DEPDC5: variants seen among roughly 807,000 people sequenced by gnomAD.
DEPDC5 encodes the protein DEP domain containing 5, GATOR1 subcomplex subunit.
Under a neutral mutation model 217.3 loss-of-function variants are expected in DEPDC5, and 73 were observed. That is an observed-to-expected ratio of 0.34 (90% CI 0.28 to 0.41). DEPDC5 has a LOEUF of 0.41. Among genes scored for constraint, DEPDC5 ranks in the 10% least tolerant of loss-of-function variants. The pLI, the probability that DEPDC5 is intolerant of heterozygous loss-of-function variation, is 1.00. For synonymous variants in DEPDC5, 733 were observed against 756.7 expected (o/e 0.97, Z 0.51); for missense variants, 1,675 against 2,070.1 (o/e 0.81, Z 3.70).
intron 8 of DEPDC5, among the ~76,000 whole-genome samples, chr22:31,783,472 G>A (rs1479479107): frequency 6.6e-6 from 1 of 152,072 alleles, no homozygotes; most frequent in Non-Finnish European, 1.5e-5. Flanking sequence ...ACCACTCTGG[G>A]CAACGTAGGG....
At chr22:31,794,412 A>G (rs978387135) in intron 12 of DEPDC5, among the ~76,000 whole-genome samples, 1 of 152,214 alleles carries the variant, frequency 6.6e-6, no homozygotes, top group African/African-American at 2.4e-5. Context: ...ACAAAATACT[A>G]TATAAAGCAT....
intron 26 of DEPDC5, among the ~76,000 whole-genome samples, chr22:31,838,388 C>T (rs1460635726): frequency 3.9e-5 from 6 of 152,178 alleles, no homozygotes; most frequent in East Asian, 1.9e-4. Context: ...ACTACAAGCG[C>T]GTGCCACCAT....
At chr22:31,843,938 AG>A (rs1057495837) in intron 29 of DEPDC5, 126 bp downstream of exon 29, 16 of 1,134,042 alleles carry the variant, frequency 1.4e-5, no homozygotes, top group Admixed American at 3.0e-5. Flanking sequence ...GTAAAGAGAC[AG>A]GGTTGACTGG....
In DEPDC5 at chr22:31,784,665, C is replaced by T. The variant is rs1601810766; in HGVS notation, c.563-149C>T. 4 of 620,574 alleles carry T rather than the reference C, an allele frequency of 6.4e-6. No individual in the cohort carries two copies. In the East Asian group the frequency reaches 1.2e-4, roughly 18 times the overall value. 38.4% of individuals were successfully genotyped at this position (620,574 alleles called of 1,614,324 possible). On this transcript the variant is annotated intron_variant, in intron 9 of 42. Coordinates refer to ENST00000651528, the MANE Select transcript of DEPDC5 (RefSeq NM_001242896.3). ...GTACAAAATACACCTTCTTTTTGGTCCCCTTTCTTATAGAAGAAGTTGCAA... is the reference window on the plus strand; with the variant it reads ...GTACAAAATACACCTTCTTTTTGGTTCCCTTTCTTATAGAAGAAGTTGCAA...
At position 31,873,259 on chromosome 22, in the gene DEPDC5, C is replaced by G; in HGVS notation, c.3490C>G (p.Gln1164Glu). Residue 1164 changes from glutamine to glutamate, a missense_variant, in exon 35 of 43, where the codon CAG becomes GAG. Physicochemically the swap from Gln to Glu is conservative, Grantham distance 29. Transcript: ENST00000651528. ...ACCTGACACCCTGTGTTACAGCTCT[C>G]AGCAGCTGGTGGCAAGCTCCTTGAC... Reference protein sequence around the residue: ...SSTNSSDSSSQQLVASSLTSS... With the variant: ...SSTNSSDSSSEQLVASSLTSS... 2 of 1,614,092 alleles carry G rather than the reference C, an allele frequency of 1.2e-6. No homozygotes were observed. The highest frequency in any genetic ancestry group is 1.7e-6 in the Non-Finnish European group (2 of 1,179,964).
At position 31,906,305 on chromosome 22, in the gene DEPDC5, C is replaced by T. The variant is rs756290564; in HGVS notation, c.4620C>T (p.Cys1540=). The stretch of plus-strand genomic sequence containing the variant: ...GCTCCACCAACCAGAACATGTTCTG[C>T]GAGGAGCGGGTCGGCTACAACTGGG... ...STSSTNQNMF[C]EERVGYNWAY... The change falls in exon 43 of 43, where the codon TGC becomes TGT. Residue 1540 remains cysteine, a synonymous_variant. Transcript: ENST00000651528. This position sits in a 1 kb window ranked among gnomAD's most constrained non-coding sequence, Gnocchi z 5.1. The T allele has an allele frequency of 1.6e-5, 26 of 1,613,854 alleles. No individual in the cohort carries two copies. The highest frequency in any genetic ancestry group is 2.0e-5 in the Non-Finnish European group (24 of 1,179,930).
chr22:31,819,230 G>A lies in DEPDC5; in HGVS notation c.1870+5G>A, dbSNP rs1357547539. The A allele has an allele frequency of 6.2e-7, 1 of 1,613,960 alleles. No individual in the cohort carries two copies. The highest frequency in any genetic ancestry group is 1.3e-5 in the African/African-American group (1 of 74,916). On this transcript the variant is annotated splice_donor_5th_base_variant and intron_variant, in intron 22 of 42. Coordinates refer to ENST00000651528, the MANE Select transcript of DEPDC5 (RefSeq NM_001242896.3). ...GGATGCACACTTTTCCTGTGGGTAA[G>A]TTGGTTGCTTAAGAGAGAGCCTTGG...
chr22:31,798,667 A>T lies in DEPDC5; in HGVS notation c.946+11A>T. ...ATCTGTCATTCAATGGTGAGTAAGG[A>T]TGCCGGCCATGAGCCAGCATCTTGC... is the stretch of plus-strand genomic sequence containing the variant. On this transcript the variant is annotated intron_variant, in intron 14 of 42. Transcript: ENST00000651528. 1 of 1,609,086 alleles carries T rather than the reference A, an allele frequency of 6.2e-7. No homozygotes were observed. Among genetic ancestry groups the T allele is most frequent in the Non-Finnish European group, 8.5e-7 (1 of 1,177,140 alleles).
intron 30 of DEPDC5, 101 bp from the exon 31 acceptor site, chr22:31,846,733 A>G: frequency 6.5e-7 from 1 of 1,548,852 alleles, no homozygotes; most frequent in Non-Finnish European, 8.8e-7. Flanking sequence ...TGTCCATGGG[A>G]TTCCCGGGGC....
chr22:31,873,942 G>A (rs773295158), intron 35 of DEPDC5: 26 of 275,130 alleles, frequency 9.5e-5, no homozygotes, highest in African/African-American at 2.3e-4. Flanking sequence ...ACAGGCACCC[G>A]CCACCACGCC....
In DEPDC5 at chr22:31,879,630, T is replaced by A. The variant is rs368558048; in HGVS notation, c.3911T>A (p.Val1304Glu). 2.5e-6 allele frequency: 4 copies of A among 1,614,008 alleles called. No homozygotes were observed. In the African/African-American group the frequency reaches 5.3e-5, roughly 22 times the overall value. ...GTGGCCTTTGTGGCAGAAGAGCTCGTGCACTCTGAGATTCCTGCCTTTCTC... is the reference window on the plus strand; with the variant it reads ...GTGGCCTTTGTGGCAGAAGAGCTCGAGCACTCTGAGATTCCTGCCTTTCTC... ...FEVAFVAEEL[V>E]HSEIPAFLLP... The change falls in exon 38 of 43, where the codon GTG (valine) becomes GAG (glutamate). Residue 1304 changes from valine to glutamate, a missense_variant. By Grantham distance (121) the Val-to-Glu change is moderately radical. This residue lies in a region of DEPDC5 where 194 missense variants were observed against 199.3 expected (regional missense o/e 0.97). Coordinates refer to ENST00000651528, the MANE Select transcript of DEPDC5 (RefSeq NM_001242896.3).
chr22:31,768,708 C>G (rs1297503970), intron 6 of DEPDC5, 106 bp from the exon 7 acceptor site: 2 of 975,004 alleles, frequency 2.1e-6, no homozygotes, highest in East Asian at 2.6e-5. Flanking sequence ...GCTAGGAGTT[C>G]TTGTTTGTGA....
chr22:31,837,240 G>A (rs1216799245), intron 26 of DEPDC5, 85 bp downstream of exon 26: 1 of 1,426,956 alleles, frequency 7.0e-7, no homozygotes, highest in Admixed American at 2.0e-5. Context: ...CTGGATTTGT[G>A]CTGGCTTCAG....
In DEPDC5 at chr22:31,764,979, T is replaced by G. The variant is rs768489763; in HGVS notation, c.198T>G (p.Thr66=). 2 of 1,613,106 alleles carry G rather than the reference T, an allele frequency of 1.2e-6. No homozygotes were observed. Among genetic ancestry groups the G allele is most frequent in the South Asian group, 2.2e-5 (2 of 91,048 alleles). The change falls in exon 5 of 43, where the codon ACT becomes ACG. Residue 66 remains threonine, a synonymous_variant. Coordinates refer to ENST00000651528, the MANE Select transcript of DEPDC5 (RefSeq NM_001242896.3). The part of the protein sequence containing the change: ...KSLKEDLQKE[T]ISVDQTVTQV... ...CAGATATTGTTTCTGTTTTAGAAAC[T>G]ATCAGTGTGGACCAGACTGTGACTC...
intron 6 of DEPDC5, among the ~76,000 whole-genome samples, chr22:31,768,527 T>A (rs150837731): frequency 6.6e-6 from 1 of 152,212 alleles, no homozygotes; most frequent in Non-Finnish European, 1.5e-5. Context: ...TATGTGAAGA[T>A]GAGGATATTT....
intron 32 of DEPDC5, among the ~76,000 whole-genome samples, chr22:31,860,870 C>T (rs193090287): frequency 6.6e-6 from 1 of 152,258 alleles, no homozygotes; most frequent in Non-Finnish European, 1.5e-5. Flanking sequence ...TCCAAGAGGG[C>T]GACTGGTCAC....
At chr22:31,879,783 G>T in intron 38 of DEPDC5, 31 bp downstream of exon 38, 2 of 1,589,414 alleles carry the variant, frequency 1.3e-6, no homozygotes, top group South Asian at 2.2e-5. Flanking sequence ...AGGTCTGAGG[G>T]TGTGCCAGTG....
intron 18 of DEPDC5, among the ~76,000 whole-genome samples, chr22:31,808,003 T>G (rs564076484): frequency 2.0e-5 from 3 of 152,282 alleles, no homozygotes; most frequent in Admixed American, 1.3e-4. Context: ...GATAGTGAAG[T>G]GCTAGGAGAT....
At chr22:31,879,393 T>C (rs912413158) in intron 37 of DEPDC5, 132 bp from the exon 38 acceptor site, 2 of 789,052 alleles carry the variant, frequency 2.5e-6, no homozygotes, top group Admixed American at 2.4e-5. Flanking sequence ...AATGGAACTA[T>C]ACAGTATGTG....
Sources: allele counts gnomAD v4.1 joint callset (sites outside exome capture counted in the v4.1 genomes callset), GRCh38; gene constraint gnomAD v4.1.1; regional missense constraint gnomAD v4.1.1; non-coding constraint Gnocchi (gnomAD v3.1); transcripts MANE v1.5; gene names NCBI Gene and HGNC (gene_info 2026-07-23, HGNC 2026-07-21).